EXPH5: variants seen among roughly 807,000 people sequenced by gnomAD.
EXPH5 encodes exophilin 5.
EXPH5 carries 42 observed loss-of-function variants against 41.1 expected under a neutral mutation model. The observed-to-expected ratio is 1.02, with a 90% CI of 0.80 to 1.32. EXPH5 has a LOEUF of 1.32. Among genes scored for constraint, EXPH5 ranks in the 40% most tolerant of loss-of-function variants. EXPH5 has a pLI of 0.00. For synonymous variants in EXPH5, 798 were observed against 833.5 expected (o/e 0.96, Z 0.73); for missense variants, 2,298 against 2,314.5 (o/e 0.99, Z 0.15).
At position 108,505,551 on chromosome 11, in the gene EXPH5, A is replaced by G. The variant is rs1354094314; in HGVS notation, c.*3986T>C. 1 of 152,246 alleles carries G rather than the reference A, an allele frequency of 6.6e-6. No homozygotes were observed. Among genetic ancestry groups the G allele is most frequent in the Non-Finnish European group, 1.5e-5 (1 of 68,046 alleles). The allele number at this position is 152,246 out of a possible 1,614,324, so 9.4% of individuals were successfully genotyped here. ...CAAGTACATAAAAGGATTATTTGAC[A>G]AAGTTTTAACAAAAGTGCTTACAGC... On this transcript the variant is annotated 3_prime_UTR_variant, in exon 6 of 6. Transcript: ENST00000265843.
Position 108,593,665 on chromosome 11 carries a change from A to C in EXPH5, c.-129T>G. 1.9e-6 allele frequency: 3 copies of C among 1,571,194 alleles called. No homozygotes were observed. The highest frequency in any genetic ancestry group is 2.6e-6 in the Non-Finnish European group (3 of 1,157,584). On this transcript the variant is annotated 5_prime_UTR_variant, in exon 1 of 6. Coordinates refer to ENST00000265843, the MANE Select transcript of EXPH5 (RefSeq NM_015065.3). The stretch of plus-strand genomic sequence containing the variant: ...CCAATAATAAGTCCGCCCCTTTGAA[A>C]GTCTAAAACCACAAACCTAGGGAAC...
chr11:108,566,905 T>A (rs1288505708), intron 1 of EXPH5, among the ~76,000 whole-genome samples: 3 of 152,244 alleles, frequency 2.0e-5, no homozygotes, highest in African/African-American at 7.2e-5. Flanking sequence ...AACACACCAC[T>A]GCGTTGTCAC....
chr11:108,537,832 C>A (rs1184929395), intron 3 of EXPH5: 2 of 275,094 alleles, frequency 7.3e-6, no homozygotes, highest in African/African-American at 4.6e-5. Flanking sequence ...CCTAGCTATA[C>A]CACGCAGTGG....
intron 1 of EXPH5, among the ~76,000 whole-genome samples, chr11:108,591,810 T>C (rs2640737): frequency 0.85 from 129,505 of 152,152 alleles, 55,740 homozygotes; most frequent in Middle Eastern, 0.92. Flanking sequence ...GAAAACACAA[T>C]AAGGCAAGCA....
intron 1 of EXPH5, among the ~76,000 whole-genome samples, chr11:108,573,164 GAAA>G (rs2094067521): frequency 7.1e-6 from 1 of 140,048 alleles, no homozygotes. Flanking sequence ...AAGAAAGAAA[GAAA>G]GAAAGAAAGA....
In EXPH5 at chr11:108,528,183, A is replaced by C; in HGVS notation, c.445T>G (p.Cys149Gly). 6.2e-7 allele frequency: 1 copy of C among 1,607,892 alleles called. No homozygotes were observed. The highest frequency in any genetic ancestry group is 8.5e-7 in the Non-Finnish European group (1 of 1,174,676). ...SKLPSLGQKG[C>G]DGHAGPPMPV... ...ATAGGAGGTCCTGCATGGCCATCAC[A>C]TCTGTGGAAATAATTTGAAATGATT... is the stretch of plus-strand genomic sequence containing the variant. Residue 149 changes from cysteine (C) to glycine (G), a missense_variant and splice_region_variant, in exon 4 of 6, where the codon TGT (cysteine) becomes GGT (glycine). By Grantham distance (159) the Cys-to-Gly change is radical. Transcript: ENST00000265843.
intron 1 of EXPH5, among the ~76,000 whole-genome samples, chr11:108,566,815 A>C (rs1358380212): frequency 6.6e-6 from 1 of 152,216 alleles, no homozygotes; most frequent in African/African-American, 2.4e-5. Context: ...CTATGCTCTC[A>C]TGTAAAGAAC....
In EXPH5 at chr11:108,509,758, T is replaced by C. The variant is rs1275547216; in HGVS notation, c.5749A>G (p.Lys1917Glu). The change falls in exon 6 of 6, where the codon AAG (lysine) becomes GAG (glutamate). Residue 1917 changes from lysine to glutamate, a missense_variant. Transcript: ENST00000265843. Reference sequence around the variant, plus strand: ...TCATCTTTTAGGAAGCCAGGGTTCTTAAGAAAACTTGGTTTCCATAATCTT... The same window carrying C: ...TCATCTTTTAGGAAGCCAGGGTTCTCAAGAAAACTTGGTTTCCATAATCTT... ...QGRLWKPSFL[K>E]NPGFLKDDLR... 3.1e-6 allele frequency: 5 copies of C among 1,607,544 alleles called. No individual in the cohort carries two copies. The highest frequency in any genetic ancestry group is 4.2e-6 in the Non-Finnish European group (5 of 1,178,144).
intron 1 of EXPH5, among the ~76,000 whole-genome samples, chr11:108,542,893 A>AT (rs934952976): frequency 1.5e-4 from 23 of 152,004 alleles, no homozygotes; most frequent in African/African-American, 5.3e-4. Flanking sequence ...TAGTTTCTGT[A>AT]TTTTTAGTAG....
At chr11:108,536,697 T>C (rs1225270901) in intron 3 of EXPH5, among the ~76,000 whole-genome samples, 1 of 152,230 alleles carries the variant, frequency 6.6e-6, no homozygotes, top group East Asian at 1.9e-4. Context: ...CAAGTGAATC[T>C]GGTGAAATGA....
chr11:108,581,035 G>A (rs1219097678), intron 1 of EXPH5, among the ~76,000 whole-genome samples: 1 of 152,182 alleles, frequency 6.6e-6, no homozygotes, highest in East Asian at 1.9e-4. Context: ...GGCTGGGCAT[G>A]GTGGCTCATG....
At position 108,532,339 on chromosome 11, in the gene EXPH5, G is replaced by GATAGATATATATAT. The variant is rs1555192496; in HGVS notation, c.444-4156_444-4155insATATATATATCTAT. Among the ~76,000 whole-genome samples, 3 of 23,426 alleles carry GATAGATATATATAT rather than the reference G, an allele frequency of 1.3e-4. No homozygotes were observed. In the Admixed American group the frequency reaches 2.1e-3, roughly 16 times the overall value. The allele number at this position is 23,426 out of a possible 152,430, so 15.4% of individuals were successfully genotyped here. A position where few individuals can be genotyped will look rare whatever the true frequency, so the allele number is the denominator to read the frequency against. On this transcript the variant is annotated intron_variant, in intron 3 of 5. Transcript: ENST00000265843. ...ACTACTGGTGTGCACCACCACACTG[G>GATAGATATATATAT]ATATATATATATATATATATATATA...
rs1180277026 is a variant in EXPH5 at position 108,514,128 on chromosome 11, G to T, written c.1379C>A (p.Ser460Tyr). 6.2e-7 allele frequency: 1 copy of T among 1,613,764 alleles called. No homozygotes were observed. The highest frequency in any genetic ancestry group is 1.7e-5 in the Admixed American group (1 of 59,998). ...TCGTCCAAAGGTATTGCTGAAGAAAGATCTGGTAAATGTGTTGCTTTGATG... is the reference window on the plus strand; with the variant it reads ...TCGTCCAAAGGTATTGCTGAAGAAATATCTGGTAAATGTGTTGCTTTGATG... ...FYHQSNTFTR[S>Y]FFSNTFGRSG... Residue 460 changes from serine to tyrosine, a missense_variant, in exon 6 of 6, where the codon TCT becomes TAT. Physicochemically the swap from Ser to Tyr is moderately radical, Grantham distance 144. Transcript: ENST00000265843.
chr11:108,537,842 G>A (rs2093888975), intron 3 of EXPH5: 1 of 338,912 alleles, frequency 3.0e-6, no homozygotes. Context: ...CCACGCAGTG[G>A]AAATATTTTT....
intron 1 of EXPH5, among the ~76,000 whole-genome samples, chr11:108,573,139 GGAAAGAAAGAAAGAAAGAAAGAAA>G (rs3054581): frequency 7.7e-5 from 7 of 90,558 alleles, no homozygotes; most frequent in East Asian, 3.1e-4. Flanking sequence ...AAGGAAAGAA[GGAAAGAAAGAAAGAAAGAAAGAAA>G]GAAAGAAAGA....
At chr11:108,583,677 A>G (rs919422155) in intron 1 of EXPH5, among the ~76,000 whole-genome samples, 5 of 151,794 alleles carry the variant, frequency 3.3e-5, no homozygotes, top group African/African-American at 4.9e-5. Context: ...ATTAACAAAA[A>G]AATAAAAATA....
At chr11:108,581,042 C>A (rs1290336695) in intron 1 of EXPH5, among the ~76,000 whole-genome samples, 1 of 152,172 alleles carries the variant, frequency 6.6e-6, no homozygotes, top group Non-Finnish European at 1.5e-5. Context: ...CATGGTGGCT[C>A]ATGCCTGTCA....
chr11:108,548,109 T>G (rs1486949262), intron 1 of EXPH5, among the ~76,000 whole-genome samples: 2 of 108,202 alleles, frequency 1.8e-5, no homozygotes, highest in African/African-American at 8.0e-5. Context: ...ACTTCATCTT[T>G]AAAAAAAAAA....
intron 1 of EXPH5, among the ~76,000 whole-genome samples, chr11:108,572,050 C>CAAA (rs34491366): frequency 2.8e-5 from 4 of 140,608 alleles, no homozygotes; most frequent in Non-Finnish European, 4.6e-5. Context: ...ACTCTGTCTC[C>CAAA]AAAAAAAAAA....
Sources: gnomAD v4.1 joint callset for allele counts (sites outside exome capture counted in the v4.1 genomes callset) on GRCh38, gnomAD v4.1.1 for gene constraint, MANE v1.5 for transcripts, NCBI Gene and HGNC (gene_info 2026-07-23, HGNC 2026-07-21) for gene names.